Variants in CCL24 observed in about 807,000 individuals in gnomAD.
CCL24 encodes C-C motif chemokine ligand 24.
In CCL24, 6 loss-of-function variants were observed where a neutral mutation model predicts 8.6. The observed-to-expected ratio is 0.70, with a 90% CI of 0.38 to 1.38. The LOEUF is 1.38. Ranked by LOEUF, CCL24 falls within the 40% of genes most tolerant of loss-of-function variation. The pLI is 0.02. For missense variants in CCL24, 126 were observed against 147.1 expected (o/e 0.86, Z 0.74); for synonymous variants, 59 against 52.7 (o/e 1.12, Z -0.52).
chr7:75,813,330 C>T lies in CCL24; in HGVS notation c.167G>A (p.Ser56Asn). The T allele has an allele frequency of 6.2e-7, 1 of 1,611,288 alleles. No homozygotes were observed. The change falls in exon 2 of 3, where the codon AGC (serine) becomes AAC (asparagine). Residue 56 changes from serine (S) to asparagine (N), a missense_variant. Transcript: ENST00000222902. ...CATCACTCCTGCCTTGAGGCATGTGCTCCTGCTGGACAGCTGGTAGCTGAC... is the reference window on the plus strand; with the variant it reads ...CATCACTCCTGCCTTGAGGCATGTGTTCCTGCTGGACAGCTGGTAGCTGAC... Reference protein sequence around the residue: ...RVVSYQLSSRSTCLKAGVIFT... With the variant: ...RVVSYQLSSRNTCLKAGVIFT...
At chr7:75,820,109 T>TTCTTCTTCTTCTTC (rs1804008286) in intron 1 of CCL24, among the ~76,000 whole-genome samples, 2 of 81,638 alleles carry the variant, frequency 2.4e-5, no homozygotes, top group Non-Finnish European at 5.8e-5. Context: ...TCTTCTTCCT[T>TTCTTCTTCTTCTTC]CTTCTTCTTC....
At chr7:75,816,753 G>A (rs1328487537), upstream of CCL24, among the ~76,000 whole-genome samples, 1 of 150,964 alleles carries the variant, frequency 6.6e-6, no homozygotes, top group Non-Finnish European at 1.5e-5. Flanking sequence ...GTAGAGACGG[G>A]ATTTCACTAG....
Position 75,811,104 on chromosome 7 carries a change from C to T in CCL24, c.*692G>A, listed in dbSNP as rs1803745724. 6.6e-6 allele frequency among the ~76,000 whole-genome samples: 1 copy of T among 151,746 alleles called. No individual in the cohort carries two copies. Among genetic ancestry groups the T allele is most frequent in the Non-Finnish European group, 1.5e-5 (1 of 67,942 alleles). ...ATGTCTTCCCAAAAAGATTAAACTA[C>T]CCAGGCTGGCCCTTCACCCCAGTCC... On this transcript the variant is annotated 3_prime_UTR_variant, in exon 3 of 3. Coordinates refer to ENST00000222902, the MANE Select transcript of CCL24 (RefSeq NM_002991.3).
intron 1 of CCL24, among the ~76,000 whole-genome samples, chr7:75,820,018 A>ACCTCTTCTT (rs1230617445): frequency 9.5e-6 from 1 of 104,816 alleles, no homozygotes; most frequent in Non-Finnish European, 2.0e-5. Context: ...TTAGTAAACT[A>ACCTCTTCTT]CTTCTTCTTC....
chr7:75,813,092 A>G (rs1803809831), intron 2 of CCL24, among the ~76,000 whole-genome samples: 1 of 152,202 alleles, frequency 6.6e-6, no homozygotes, highest in South Asian at 2.1e-4. Context: ...TGGGTGACAG[A>G]GCAAGACCCT....
Position 75,811,942 on chromosome 7 carries a change from G to C in CCL24, c.214C>G (p.Gln72Glu). The change falls in exon 3 of 3, where the codon CAG becomes GAG. Residue 72 changes from glutamine (Q) to glutamate (E), a missense_variant. Coordinates refer to ENST00000222902, the MANE Select transcript of CCL24 (RefSeq NM_002991.3). Reference sequence around the variant, plus strand: ...TCCTGCTTGGGGTCGCCACAGAACTGCTGGCCCTTCTTGGTGGTGAAGCTG... The same window carrying C: ...TCCTGCTTGGGGTCGCCACAGAACTCCTGGCCCTTCTTGGTGGTGAAGCTG... ...GVIFTTKKGQ[Q>E]FCGDPKQEWV... 1 of 1,610,668 alleles carries C rather than the reference G, an allele frequency of 6.2e-7. No individual in the cohort carries two copies. Among genetic ancestry groups the C allele is most frequent in the Non-Finnish European group, 8.5e-7 (1 of 1,179,364 alleles).
chr7:75,812,077 T>G (rs1803777725), intron 2 of CCL24, 113 bp from the exon 3 acceptor site: 1 of 807,466 alleles, frequency 1.2e-6, no homozygotes, highest in African/African-American at 1.7e-5. Flanking sequence ...CCTTGCAAGT[T>G]GCTGAGATGA....
rs563856016 is a variant in CCL24 at position 75,811,715 on chromosome 7, C to A, written c.*81G>T. 4.7e-6 allele frequency: 6 copies of A among 1,268,442 alleles called. No homozygotes were observed. Among genetic ancestry groups the A allele is most frequent in the Admixed American group, 2.3e-5 (1 of 43,962 alleles). 78.6% of individuals were successfully genotyped at this position (1,268,442 alleles called of 1,614,324 possible). A position where few individuals can be genotyped will look rare whatever the true frequency, so the allele number is the denominator to read the frequency against. Reference sequence around the variant, plus strand: ...AAACAGGAAAATTAGCTCTTCCCCCCATCACTGTGGCTTCTCCAGGCCCCG... The same window carrying A: ...AAACAGGAAAATTAGCTCTTCCCCCAATCACTGTGGCTTCTCCAGGCCCCG... On this transcript the variant is annotated 3_prime_UTR_variant, in exon 3 of 3. Coordinates refer to ENST00000222902, the MANE Select transcript of CCL24 (RefSeq NM_002991.3).
chr7:75,819,588 C>G (rs1352917473), intron 1 of CCL24, among the ~76,000 whole-genome samples: 2 of 151,096 alleles, frequency 1.3e-5, no homozygotes, highest in Non-Finnish European at 2.9e-5. Flanking sequence ...CATAACATAT[C>G]CCCATCTCTC....
chr7:75,813,216 G>A, intron 2 of CCL24, 90 bp downstream of exon 2: 1 of 736,286 alleles, frequency 1.4e-6, no homozygotes. Context: ...GATGCACAGA[G>A]CTGGGGCTGG....
At chr7:75,816,236 T>C (rs372686989), upstream of CCL24, among the ~76,000 whole-genome samples, 12 of 152,324 alleles carry the variant, frequency 7.9e-5, 1 homozygote, top group South Asian at 1.9e-3. Context: ...CAGGGACTCC[T>C]GTGTGGGTTT....
intron 1 of CCL24, among the ~76,000 whole-genome samples, chr7:75,820,015 A>ACTT (rs1169565703): frequency 1.1e-3 from 92 of 84,460 alleles, no homozygotes; most frequent in South Asian, 4.9e-3. Flanking sequence ...CTTTTAGTAA[A>ACTT]CTACTTCTTC....
intron 2 of CCL24, 59 bp downstream of exon 2, chr7:75,813,247 C>A (rs1289594458): frequency 9.8e-7 from 1 of 1,017,632 alleles, no homozygotes; most frequent in Non-Finnish European, 1.5e-6. Context: ...TTCTCAGGGA[C>A]CCTGGAGTTG....
At chr7:75,815,985 C>T (rs1803882245), upstream of CCL24, among the ~76,000 whole-genome samples, 1 of 152,202 alleles carries the variant, frequency 6.6e-6, no homozygotes, top group African/African-American at 2.4e-5. Context: ...TCTCCAACCT[C>T]CCTGCTCTGG....
Position 75,813,348 on chromosome 7 carries a change from T to A in CCL24, c.149A>T (p.Tyr50Phe). Residue 50 changes from tyrosine (Y) to phenylalanine (F), a missense_variant, in exon 2 of 3, where the codon TAC becomes TTC. Coordinates refer to ENST00000222902, the MANE Select transcript of CCL24 (RefSeq NM_002991.3). The stretch of plus-strand genomic sequence containing the variant: ...GCATGTGCTCCTGCTGGACAGCTGG[T>A]AGCTGACCACTCGGTTCTCAGGAAT... ...KRIPENRVVSYQLSSRSTCLK... is the reference protein window; with the variant it reads ...KRIPENRVVSFQLSSRSTCLK... 1 of 1,613,118 alleles carries A rather than the reference T, an allele frequency of 6.2e-7. No individual in the cohort carries two copies.
At chr7:75,820,148 C>CCTCCTCCTT (rs1804013601) in intron 1 of CCL24, among the ~76,000 whole-genome samples, 5 of 98,138 alleles carry the variant, frequency 5.1e-5, no homozygotes, top group African/African-American at 1.4e-4. Context: ...TCCTCCTCCT[C>CCTCCTCCTT]CTCCTTCTCC....
upstream of CCL24, among the ~76,000 whole-genome samples, chr7:75,818,013 T>A (rs1196057942): frequency 1.3e-5 from 2 of 151,708 alleles, no homozygotes; most frequent in African/African-American, 4.8e-5. Context: ...ATATTTTTAG[T>A]GGAGGCGGGG....
intron 1 of CCL24, among the ~76,000 whole-genome samples, chr7:75,820,815 T>C (rs1274577104): frequency 8.5e-6 from 1 of 118,070 alleles, no homozygotes; most frequent in Non-Finnish European, 1.8e-5. Flanking sequence ...ATCCATTCAC[T>C]AATCCATCCA....
At chr7:75,822,625 T>C (rs1440373071) in intron 1 of CCL24, among the ~76,000 whole-genome samples, 1 of 130,912 alleles carries the variant, frequency 7.6e-6, no homozygotes, top group Non-Finnish European at 1.7e-5. Context: ...CAGGGGTCAG[T>C]TCGAGACCAG....
Sources: allele counts gnomAD v4.1 joint callset (sites outside exome capture counted in the v4.1 genomes callset), GRCh38; gene constraint gnomAD v4.1.1; transcripts MANE v1.5; gene names NCBI Gene and HGNC (gene_info 2026-07-23, HGNC 2026-07-21).